Variants in SH3BGRL2 observed in about 807,000 individuals in gnomAD.
SH3BGRL2 encodes SH3 domain-binding glutamic acid-rich-like protein 2.
Under a neutral mutation model 14.8 loss-of-function variants are expected in SH3BGRL2, and 21 were observed. That is an observed-to-expected ratio of 1.42 (90% CI 1.01 to 2.05). The LOEUF is 2.05. SH3BGRL2 is among the 30% of genes most tolerant of loss of function. The pLI, the probability that SH3BGRL2 is intolerant of heterozygous loss-of-function variation, is 0.00. For missense variants in SH3BGRL2, 147 were observed against 130.8 expected (o/e 1.12, Z -0.61); for synonymous variants, 50 against 47.8 (o/e 1.05, Z -0.19).
At chr6:79,674,360 A>G (rs1049273187) in intron 2 of SH3BGRL2, among the ~76,000 whole-genome samples, 5 of 152,142 alleles carry the variant, frequency 3.3e-5, no homozygotes, top group African/African-American at 1.2e-4. Context: ...AACATATATC[A>G]GGTGCTTTCC....
intron 1 of SH3BGRL2, among the ~76,000 whole-genome samples, chr6:79,665,787 T>G (rs1023993136): frequency 6.6e-6 from 1 of 152,238 alleles, no homozygotes; most frequent in African/African-American, 2.4e-5. Flanking sequence ...TACTAACAGT[T>G]TTTCAAAAAT....
the SH3BGRL2 span, among the ~76,000 whole-genome samples, chr6:79,540,948 C>T: frequency 1.3e-5 from 2 of 151,876 alleles, no homozygotes; most frequent in Non-Finnish European, 2.9e-5. Flanking sequence ...TTTTGACTGA[C>T]GTGGTAGTTA....
the SH3BGRL2 span, among the ~76,000 whole-genome samples, chr6:79,572,442 TTTTTATTTTA>T: frequency 1.9e-3 from 281 of 151,010 alleles, 2 homozygotes; most frequent in South Asian, 5.6e-3. Context: ...ATGGCATCTA[TTTTTATTTTA>T]TTTTATTTTA....
Position 79,699,819 on chromosome 6 carries a change from G to T in SH3BGRL2, c.*310G>T. On this transcript the variant is annotated 3_prime_UTR_variant, in exon 4 of 4. Transcript: ENST00000369838. ...GAAAGATAAGTGGGTAGCACCGTCA[G>T]AGAGAAAATGTTGGATCTGCCCTAG... 2.7e-6 allele frequency: 1 copy of T among 364,042 alleles called. No homozygotes were observed. The highest frequency in any genetic ancestry group is 4.9e-6 in the Non-Finnish European group (1 of 205,820). 22.6% of individuals were successfully genotyped at this position (364,042 alleles called of 1,614,324 possible).
chr6:79,554,936 C>T, the SH3BGRL2 span, among the ~76,000 whole-genome samples: 1 of 151,090 alleles, frequency 6.6e-6, no homozygotes, highest in Non-Finnish European at 1.5e-5. Flanking sequence ...ATTATTATTA[C>T]AGATATTCTT....
At chr6:79,555,051 C>T in the SH3BGRL2 span, among the ~76,000 whole-genome samples, 12 of 151,968 alleles carry the variant, frequency 7.9e-5, no homozygotes, top group African/African-American at 2.7e-4. Flanking sequence ...TAAAATTATA[C>T]CATATCCCTA....
Position 79,646,840 on chromosome 6 carries a change from T to A in SH3BGRL2, c.45+15334T>A, listed in dbSNP as rs538143708. On this transcript the variant is annotated intron_variant, in intron 1 of 3. Transcript: ENST00000369838. ...TTCACTTGGCATAATGTTTTTAAGGTTCATTCATGTTGTAGAATGTATTAG... is the reference window on the plus strand; with the variant it reads ...TTCACTTGGCATAATGTTTTTAAGGATCATTCATGTTGTAGAATGTATTAG... Among the ~76,000 whole-genome samples, 44 of 152,334 alleles carry A rather than the reference T, an allele frequency of 2.9e-4. No individual in the cohort carries two copies. In the Middle Eastern group the frequency reaches 0.01, roughly 35 times the overall value.
chr6:79,686,359 TC>T (rs1770090086), intron 2 of SH3BGRL2, among the ~76,000 whole-genome samples: 1 of 152,162 alleles, frequency 6.6e-6, no homozygotes, highest in African/African-American at 2.4e-5. Flanking sequence ...ATCTTCAGGA[TC>T]TTTTTTCCTT....
chr6:79,552,960 GTCC>G, the SH3BGRL2 span: 1 of 152,134 alleles, frequency 6.6e-6, no homozygotes, highest in Non-Finnish European at 1.5e-5. Flanking sequence ...AAGACCCTAT[GTCC>G]TAGGGTTTGG....
At chr6:79,649,807 C>G (rs1434131804) in intron 1 of SH3BGRL2, among the ~76,000 whole-genome samples, 3 of 152,132 alleles carry the variant, frequency 2.0e-5, no homozygotes, top group Admixed American at 2.0e-4. Flanking sequence ...TCCCTTTAGA[C>G]TTTGCACTGC....
Position 79,701,459 on chromosome 6 carries a change from T to C in SH3BGRL2, c.*1950T>C, listed in dbSNP as rs1392820426. 6.6e-6 allele frequency: 1 copy of C among 152,198 alleles called. No homozygotes were observed. The highest frequency in any genetic ancestry group is 1.9e-4 in the East Asian group (1 of 5,202). 9.4% of individuals were successfully genotyped at this position (152,198 alleles called of 1,614,324 possible). A position where few individuals can be genotyped will look rare whatever the true frequency, so the allele number is the denominator to read the frequency against. ...TGCTGGGGTTATAGGATCAATACCA[T>C]ACTTGCTAGACAAAGCTACCCAGAT... On this transcript the variant is annotated 3_prime_UTR_variant, in exon 4 of 4. Transcript: ENST00000369838.
At chr6:79,611,027 T>TA in the SH3BGRL2 span, among the ~76,000 whole-genome samples, 1 of 152,242 alleles carries the variant, frequency 6.6e-6, no homozygotes, top group Admixed American at 6.5e-5. Flanking sequence ...GTAAGAAAGT[T>TA]AGACTTTGTC....
chr6:79,638,629 G>A (rs1353917048), intron 1 of SH3BGRL2, among the ~76,000 whole-genome samples: 5 of 151,982 alleles, frequency 3.3e-5, no homozygotes, highest in African/African-American at 7.3e-5. Context: ...GGGCCTTTTC[G>A]ATAATAGTCT....
the SH3BGRL2 span, among the ~76,000 whole-genome samples, chr6:79,550,217 TGAAAG>T: frequency 6.6e-6 from 1 of 152,080 alleles, no homozygotes; most frequent in Non-Finnish European, 1.5e-5. Flanking sequence ...AATATTTAGA[TGAAAG>T]GAGGAGAATT....
At chr6:79,642,856 T>C (rs1769059042) in intron 1 of SH3BGRL2, among the ~76,000 whole-genome samples, 2 of 152,166 alleles carry the variant, frequency 1.3e-5, no homozygotes, top group African/African-American at 4.8e-5. Flanking sequence ...GAATGGAATT[T>C]CCTAGAATCC....
the SH3BGRL2 span, among the ~76,000 whole-genome samples, chr6:79,599,557 GAT>G: frequency 6.6e-6 from 1 of 152,088 alleles, no homozygotes; most frequent in South Asian, 2.1e-4. Context: ...TTTTAGTAGA[GAT>G]GTGGTTTCAC....
At position 79,664,770 on chromosome 6, in the gene SH3BGRL2, G is replaced by C. The variant is rs183449062; in HGVS notation, c.46-8844G>C. On this transcript the variant is annotated intron_variant, in intron 1 of 3. Coordinates refer to ENST00000369838, the MANE Select transcript of SH3BGRL2 (RefSeq NM_031469.4). ...TATTCCAGGAAACCAATGGAAAGACGGAAAGATGTTACATTAAAACAATTC... is the reference window on the plus strand; with the variant it reads ...TATTCCAGGAAACCAATGGAAAGACCGAAAGATGTTACATTAAAACAATTC... Among the ~76,000 whole-genome samples, 9 of 152,278 alleles carry C rather than the reference G, an allele frequency of 5.9e-5. No individual in the cohort carries two copies. In the East Asian group the frequency reaches 1.7e-3, roughly 29 times the overall value.
chr6:79,548,392 C>T, the SH3BGRL2 span, among the ~76,000 whole-genome samples: 7 of 152,094 alleles, frequency 4.6e-5, no homozygotes, highest in South Asian at 2.1e-4. Flanking sequence ...TATTAAACAT[C>T]GACTGATCTT....
At chr6:79,564,234 A>T in the SH3BGRL2 span, among the ~76,000 whole-genome samples, 1 of 152,266 alleles carries the variant, frequency 6.6e-6, no homozygotes, top group African/African-American at 2.4e-5. Flanking sequence ...CTTTCCTGCT[A>T]GCTGAATATC....
Sources: gnomAD v4.1 joint callset for allele counts (sites outside exome capture counted in the v4.1 genomes callset) on GRCh38, gnomAD v4.1.1 for gene constraint, MANE v1.5 for transcripts, NCBI Gene and HGNC (gene_info 2026-07-23, HGNC 2026-07-21) for gene names.